Variants in NCAM1 observed in about 807,000 individuals in gnomAD.
The protein encoded by NCAM1 is neural cell adhesion molecule 1, also known as antigen recognized by monoclonal antibody 5.1H11.
Under a neutral mutation model 109.8 loss-of-function variants are expected in NCAM1, and 14 were observed. The ratio of observed to expected loss-of-function variants is 0.13; its 90% CI spans 0.08 to 0.20. The LOEUF (loss-of-function observed/expected upper bound fraction) is 0.20, where lower values mean the gene tolerates loss of function less well. Among genes scored for constraint, NCAM1 ranks in the 10% least tolerant of loss-of-function variants. The pLI is 1.00. For missense variants in NCAM1, 774 were observed against 1,109.9 expected (o/e 0.70, Z 4.30); for synonymous variants, 418 against 442.9 (o/e 0.94, Z 0.70).
rs1944268266 is a variant in NCAM1, at chr11:113,207,334, G to A, written c.702G>A (p.Val234=). The change falls in exon 6 of 20, where the codon GTG becomes GTA. Residue 234 remains valine (V), a synonymous_variant. Transcript: ENST00000316851. ...TANLGQSVTL[V]CDAEGFPEPT... is the part of the protein sequence containing the mutation. ...ACCTCGGCCAGTCCGTCACCCTGGT[G>A]TGCGATGCCGAAGGCTTCCCAGAGC... The A allele has an allele frequency of 4.3e-6, 7 of 1,614,050 alleles. No homozygotes were observed. The highest frequency in any genetic ancestry group is 1.1e-5 in the South Asian group (1 of 91,084).
intron 1 of NCAM1, among the ~76,000 whole-genome samples, chr11:113,134,265 G>A (rs940013640): frequency 6.6e-5 from 10 of 152,100 alleles, no homozygotes; most frequent in East Asian, 1.9e-4. Flanking sequence ...ATTATTTTAC[G>A]TAGCATAATA....
rs1459349437 is a variant in NCAM1 at position 113,275,303 on chromosome 11, G to A, written c.2493G>A (p.Glu831=). The change falls in exon 20 of 20, where the codon GAG becomes GAA. Residue 831 remains glutamate (E), a synonymous_variant. Transcript: ENST00000316851. ...TAGAAGCAAAGCCAGAGTGCCAGGA[G>A]ACAGAAACGAAGCCAGCGCCAGCCG... ...GPVEAKPECQ[E]TETKPAPAEV... is the part of the protein sequence containing the mutation. 1 of 1,613,792 alleles carries A rather than the reference G, an allele frequency of 6.2e-7. No individual in the cohort carries two copies.
intron 1 of NCAM1, among the ~76,000 whole-genome samples, chr11:113,103,877 T>C (rs1447162463): frequency 6.6e-6 from 1 of 152,178 alleles, no homozygotes; most frequent in African/African-American, 2.4e-5. Flanking sequence ...TAGATTTTTA[T>C]GTGATTTTCA....
intron 1 of NCAM1, among the ~76,000 whole-genome samples, chr11:113,201,496 C>T (rs1555111791): frequency 6.6e-6 from 1 of 152,156 alleles, no homozygotes; most frequent in African/African-American, 2.4e-5. Flanking sequence ...AAGTTGAATT[C>T]AAAGGAATAA....
intron 1 of NCAM1, among the ~76,000 whole-genome samples, chr11:113,121,916 T>C (rs1392470606): frequency 3.9e-5 from 6 of 152,236 alleles, no homozygotes; most frequent in Non-Finnish European, 1.5e-5. Context: ...AATTCTTATC[T>C]GGTCCACATC....
chr11:113,035,314 C>G (rs370242527), intron 1 of NCAM1, among the ~76,000 whole-genome samples: 3 of 152,324 alleles, frequency 2.0e-5, no homozygotes, highest in African/African-American at 7.2e-5. Flanking sequence ...TATGACACAT[C>G]TCACCTTGAG....
intron 1 of NCAM1, among the ~76,000 whole-genome samples, chr11:113,014,808 G>A (rs922074004): frequency 1.3e-5 from 2 of 152,192 alleles, no homozygotes; most frequent in African/African-American, 4.8e-5. Context: ...TGAAACATAA[G>A]CTCACGCAAA....
At position 113,231,562 on chromosome 11, in the gene NCAM1, C is replaced by A. The variant is rs543726811; in HGVS notation, c.1090-83C>A. The A allele has an allele frequency of 3.9e-5, 54 of 1,390,234 alleles. 1 individual carries two copies. In the South Asian group the frequency reaches 7.0e-4, roughly 18 times the overall value. The allele number at this position is 1,390,234 out of a possible 1,614,324, so 86.1% of individuals were successfully genotyped here. On this transcript the variant is annotated intron_variant, in intron 9 of 19. Coordinates refer to ENST00000316851, the MANE Select transcript of NCAM1 (RefSeq NM_181351.5). ...CACAGACAAGTGATGGCCTAGTCTC[C>A]CAGCCCCCATCCTGCCATAGCACTG...
At chr11:113,236,564 AT>A (rs1474961612) in intron 14 of NCAM1, among the ~76,000 whole-genome samples, 1 of 152,214 alleles carries the variant, frequency 6.6e-6, no homozygotes, top group East Asian at 1.9e-4. Flanking sequence ...GTGCTTATTT[AT>A]TAATTTTTGT....
intron 1 of NCAM1, among the ~76,000 whole-genome samples, chr11:113,046,318 A>G (rs1953264710): frequency 6.6e-6 from 1 of 152,192 alleles, no homozygotes; most frequent in African/African-American, 2.4e-5. Context: ...CTCGTAAGAG[A>G]GGAGGGTGGG....
At chr11:113,119,834 T>G (rs1308987596) in intron 1 of NCAM1, among the ~76,000 whole-genome samples, 1 of 142,608 alleles carries the variant, frequency 7.0e-6, no homozygotes, top group Non-Finnish European at 1.6e-5. Flanking sequence ...CAGAATTTTA[T>G]TAATGTCAGC....
chr11:112,979,250 A>G (rs1940711), intron 1 of NCAM1, among the ~76,000 whole-genome samples: 3 of 150,686 alleles, frequency 2.0e-5, no homozygotes, highest in Admixed American at 6.6e-5. Context: ...AACAAAAAAA[A>G]CCTGTAATTT....
At chr11:112,975,982 G>A (rs1950995141) in intron 1 of NCAM1, among the ~76,000 whole-genome samples, 1 of 151,982 alleles carries the variant, frequency 6.6e-6, no homozygotes, top group Non-Finnish European at 1.5e-5. Context: ...TCACTATTTT[G>A]TGTTCTAGTG....
chr11:113,007,719 T>C (rs562718587), intron 1 of NCAM1, among the ~76,000 whole-genome samples: 1 of 152,298 alleles, frequency 6.6e-6, no homozygotes, highest in South Asian at 2.1e-4. Context: ...ATTTGCAAAA[T>C]GGAAGAAATC....
chr11:113,236,578 G>A (rs577903297), intron 14 of NCAM1, among the ~76,000 whole-genome samples: 67 of 152,242 alleles, frequency 4.4e-4, no homozygotes, highest in Admixed American at 3.1e-3. Context: ...ATTTTTGTGT[G>A]TGATGATTAC....
intron 1 of NCAM1, among the ~76,000 whole-genome samples, chr11:112,964,324 T>C (rs1410231217): frequency 1.3e-5 from 2 of 152,136 alleles, no homozygotes; most frequent in Admixed American, 6.5e-5. Flanking sequence ...TCTTTAGAAA[T>C]ACAATGAAAG....
chr11:113,175,917 C>A (rs1211259288), intron 1 of NCAM1, among the ~76,000 whole-genome samples: 1 of 152,080 alleles, frequency 6.6e-6, no homozygotes, highest in African/African-American at 2.4e-5. Flanking sequence ...GAAGAAATCA[C>A]GGTAAGAATG....
rs1946417461 is a variant in NCAM1 at position 113,277,375 on chromosome 11, C to G, written c.*1988C>G. The stretch of plus-strand genomic sequence containing the variant: ...TCCTGGGGATGGAAATGGAGGATCC[C>G]AGAACACACAGCCCTGGCCCCTTTG... On this transcript the variant is annotated 3_prime_UTR_variant, in exon 20 of 20. Transcript: ENST00000316851. The G allele has an allele frequency of 2.5e-6, 1 of 398,980 alleles. No individual in the cohort carries two copies. Among genetic ancestry groups the G allele is most frequent in the Non-Finnish European group, 4.4e-6 (1 of 226,152 alleles). 24.7% of individuals were successfully genotyped at this position (398,980 alleles called of 1,614,324 possible).
At chr11:113,080,509 T>G (rs566791809) in intron 1 of NCAM1, among the ~76,000 whole-genome samples, 1 of 151,846 alleles carries the variant, frequency 6.6e-6, no homozygotes, top group Admixed American at 6.6e-5. Flanking sequence ...TCAAGTTTGA[T>G]GCGGGTGGTA....
Sources: gnomAD v4.1 joint callset for allele counts (sites outside exome capture counted in the v4.1 genomes callset) on GRCh38, gnomAD v4.1.1 for gene constraint, MANE v1.5 for transcripts, NCBI Gene and HGNC (gene_info 2026-07-23, HGNC 2026-07-21) for gene names.